Variants in ZDHHC15 observed in about 807,000 individuals in gnomAD.
The protein encoded by ZDHHC15 is zDHHC palmitoyltransferase 15, also known as palmitoyltransferase ZDHHC15.
Under a neutral mutation model 31.7 loss-of-function variants are expected in ZDHHC15, and 19 were observed. That is an observed-to-expected ratio of 0.60 (90% CI 0.42 to 0.88). ZDHHC15 has a LOEUF of 0.88. Ranked by LOEUF, ZDHHC15 falls within the 40% of genes least tolerant of loss-of-function variation. The pLI, the probability that ZDHHC15 is intolerant of heterozygous loss-of-function variation, is 0.00. For missense variants in ZDHHC15, 209 were observed against 251.2 expected (o/e 0.83, Z 1.14); for synonymous variants, 103 against 90.0 (o/e 1.14, Z -0.82).
Position 75,429,952 on chromosome X carries a change from G to A in ZDHHC15, c.478C>T (p.Pro160Ser). Residue 160 changes from proline to serine, a missense_variant, in exon 6 of 12, where the codon CCT becomes TCT. Physicochemically the swap from Pro to Ser is moderately conservative, Grantham distance 74. Coordinates refer to ENST00000373367, the MANE Select transcript of ZDHHC15 (RefSeq NM_144969.3). Reference protein sequence around the residue: ...MCVLKMDHHCPWVNNCIGFSN... With the variant: ...MCVLKMDHHCSWVNNCIGFSN... ...AAATGAATCAAACAGACATACCAAG[G>A]GCAGTGATGATCCATTTTTAACACA... 8.3e-7 allele frequency: 1 copy of A among 1,208,960 alleles called. No individual in the cohort carries two copies. The highest frequency in any genetic ancestry group is 1.1e-6 in the Non-Finnish European group (1 of 894,044).
chrX:75,493,253 T>C (rs1161181631), intron 2 of ZDHHC15, among the ~76,000 whole-genome samples: 1 of 111,945 alleles, frequency 8.9e-6, no homozygotes, highest in Admixed American at 9.4e-5. Context: ...AATCTCTGAA[T>C]AGACCAATAA....
At chrX:75,455,264 G>A (rs1462394209) in intron 3 of ZDHHC15, among the ~76,000 whole-genome samples, 2 of 111,380 alleles carry the variant, frequency 1.8e-5, no homozygotes, top group African/African-American at 6.5e-5. Flanking sequence ...ACAAGAAATG[G>A]GGAAAGGATT....
intron 1 of ZDHHC15, among the ~76,000 whole-genome samples, chrX:75,518,784 TATATATATATATATATATATATACACAC>T (rs1392681078): frequency 2.1e-4 from 5 of 23,724 alleles, no homozygotes; most frequent in Admixed American, 9.7e-4. Context: ...TATATATATA[TATATATATATATATATATATATACACAC>T]ACACACACAC....
At chrX:75,389,227 G>A (rs145704789) in intron 10 of ZDHHC15, among the ~76,000 whole-genome samples, 3 of 111,711 alleles carry the variant, frequency 2.7e-5, no homozygotes, top group East Asian at 5.7e-4. Flanking sequence ...AGAAAGTACC[G>A]CTACTGCAAG....
At chrX:75,478,823 C>T in intron 3 of ZDHHC15, 68 bp downstream of exon 3, 3 of 852,920 alleles carry the variant, frequency 3.5e-6, no homozygotes, top group Admixed American at 5.5e-5. Flanking sequence ...TTTTTGTCCT[C>T]TTCTTGCTTT....
In ZDHHC15 at chrX:75,453,570, C is replaced by T. The variant is rs1391144208; in HGVS notation, c.259-2648G>A. Among the ~76,000 whole-genome samples, 47 of 110,994 alleles carry T rather than the reference C, an allele frequency of 4.2e-4. 1 individual carries two copies. The highest frequency in any genetic ancestry group is 5.7e-5 in the Non-Finnish European group (3 of 52,942). The stretch of plus-strand genomic sequence containing the variant: ...GCATCATCCTAACACCAAAGGCTGG[C>T]AGTGACACAACAAAAAAAAGAGACT... On this transcript the variant is annotated intron_variant, in intron 3 of 11. Coordinates refer to ENST00000373367, the MANE Select transcript of ZDHHC15 (RefSeq NM_144969.3).
At chrX:75,454,214 C>G (rs1195433389) in intron 3 of ZDHHC15, among the ~76,000 whole-genome samples, 2 of 111,711 alleles carry the variant, frequency 1.8e-5, no homozygotes, top group Non-Finnish European at 3.8e-5. Flanking sequence ...AATCAATGTG[C>G]AAAATCACAA....
chrX:75,451,001 T>C (rs2084108405), intron 3 of ZDHHC15, 79 bp from the exon 4 acceptor site: 6 of 1,083,291 alleles, frequency 5.5e-6, no homozygotes, highest in African/African-American at 1.9e-5. Context: ...ATAACTACTT[T>C]AATGAAATTA....
intron 3 of ZDHHC15, among the ~76,000 whole-genome samples, chrX:75,470,944 A>C (rs5981875): frequency 9.0e-6 from 1 of 110,820 alleles, no homozygotes; most frequent in Non-Finnish European, 1.9e-5. Context: ...ACCATCACAG[A>C]CTTGACAGAT....
intron 3 of ZDHHC15, among the ~76,000 whole-genome samples, chrX:75,473,551 C>T (rs1417487310): frequency 3.6e-5 from 4 of 111,225 alleles, no homozygotes; most frequent in African/African-American, 1.3e-4. Context: ...TTGGGCTCCT[C>T]CTACCTTTAA....
rs1445053160 is a variant in ZDHHC15, at chrX:75,368,754, C to G, written c.*4224G>C. On this transcript the variant is annotated 3_prime_UTR_variant, in exon 12 of 12. Transcript: ENST00000373367. ...TTTTTTCCTTTAATGCCATTCCCTA[C>G]TAACAATCTATTTCCTGGTATATTG... The G allele has an allele frequency of 9.0e-6, 1 of 111,273 alleles. No individual in the cohort carries two copies. Among genetic ancestry groups the G allele is most frequent in the Non-Finnish European group, 1.9e-5 (1 of 53,058 alleles). 9.2% of individuals were successfully genotyped at this position (111,273 alleles called of 1,213,427 possible).
intron 10 of ZDHHC15, among the ~76,000 whole-genome samples, chrX:75,414,271 C>T (rs987635499): frequency 2.7e-5 from 3 of 110,674 alleles, no homozygotes; most frequent in African/African-American, 9.8e-5. Context: ...TCAGAGAAGC[C>T]TATTTAAATC....
intron 8 of ZDHHC15, among the ~76,000 whole-genome samples, chrX:75,424,345 A>C (rs2083685956): frequency 9.0e-6 from 1 of 111,011 alleles, no homozygotes; most frequent in Admixed American, 9.7e-5. Context: ...CCTCATGTGA[A>C]CACCTTTTAG....
intron 4 of ZDHHC15, among the ~76,000 whole-genome samples, chrX:75,446,107 A>C (rs1253607514): frequency 8.9e-6 from 1 of 112,262 alleles, no homozygotes; most frequent in African/African-American, 3.2e-5. Context: ...TAATTTATAC[A>C]GATAGAAATC....
chrX:75,459,608 G>C (rs1339969634), intron 3 of ZDHHC15, among the ~76,000 whole-genome samples: 1 of 111,279 alleles, frequency 9.0e-6, no homozygotes, highest in Admixed American at 9.6e-5. Context: ...GGTGGAGCCT[G>C]TCTGTGGGGA....
At chrX:75,431,372 T>A in intron 5 of ZDHHC15, 79 bp downstream of exon 5, 1 of 962,657 alleles carries the variant, frequency 1.0e-6, no homozygotes, top group East Asian at 3.1e-5. Context: ...TATGATTACA[T>A]GTTAGGATCA....
At chrX:75,400,014 C>T (rs181812423) in intron 10 of ZDHHC15, among the ~76,000 whole-genome samples, 26 of 111,850 alleles carry the variant, frequency 2.3e-4, no homozygotes, top group Admixed American at 8.6e-4. Flanking sequence ...AACACCCACA[C>T]GCAGAGATGA....
Position 75,412,805 on chromosome X carries a change from T to C in ZDHHC15, c.967+4282A>G, listed in dbSNP as rs142724920. Among the ~76,000 whole-genome samples, 896 of 111,665 alleles carry C rather than the reference T, an allele frequency of 8.0e-3. 1 individual carries two copies. The highest frequency in any genetic ancestry group is 0.018 in the Middle Eastern group (4 of 217). On this transcript the variant is annotated intron_variant, in intron 10 of 11. Transcript: ENST00000373367. ...GATGAGACTGGAGGATAATGTTAAG[T>C]GGTATAAGCCAGACACAGAAAGAAA... is the stretch of plus-strand genomic sequence containing the variant.
chrX:75,410,055 C>A (rs973524058), intron 10 of ZDHHC15, among the ~76,000 whole-genome samples: 2 of 110,985 alleles, frequency 1.8e-5, no homozygotes, highest in Non-Finnish European at 3.8e-5. Context: ...TGAAACTAGA[C>A]CCATATCTCT....
Sources: allele counts gnomAD v4.1 joint callset (sites outside exome capture counted in the v4.1 genomes callset), GRCh38; gene constraint gnomAD v4.1.1; transcripts MANE v1.5; gene names NCBI Gene and HGNC (gene_info 2026-07-23, HGNC 2026-07-21).